Variants in LAMP2 observed in about 807,000 individuals in gnomAD.
LAMP2 encodes lysosome associated membrane protein 2, also known as lysosome-associated membrane glycoprotein 2.
Under a neutral mutation model 25.6 loss-of-function variants are expected in LAMP2, and 4 were observed. The observed-to-expected ratio is 0.16, with a 90% CI of 0.08 to 0.36. LAMP2 has a LOEUF of 0.36. Among genes scored for constraint, LAMP2 ranks in the 10% least tolerant of loss-of-function variants. LAMP2 has a pLI of 1.00. For missense variants in LAMP2, 272 were observed against 301.4 expected, an observed-to-expected ratio of 0.90 and a Z score of 0.72; for synonymous variants, 108 against 112.7, an observed-to-expected ratio of 0.96 and a Z score of 0.27.
chrX:120,441,059 T>C (rs1431760776), intron 8 of LAMP2, among the ~76,000 whole-genome samples: 3 of 112,528 alleles, frequency 2.7e-5, no homozygotes, highest in African/African-American at 9.7e-5. Context: ...TTTTAGGTAA[T>C]AGGCTTAAAA....
At chrX:120,466,493 T>C (rs749178013) in intron 1 of LAMP2, among the ~76,000 whole-genome samples, 187 of 111,234 alleles carry the variant, frequency 1.7e-3, no homozygotes, top group South Asian at 4.9e-3. Context: ...TGCTCCAAGG[T>C]ACAGTTAAGG....
rs2058584921 is a variant in LAMP2, at chrX:120,443,933, G to T, written c.865-1271C>A. 2.8e-5 allele frequency among the ~76,000 whole-genome samples: 3 copies of T among 108,912 alleles called. No individual in the cohort carries two copies. In the South Asian group the frequency reaches 1.2e-3, roughly 45 times the overall value. The allele number at this position is 108,912 out of a possible 115,157, so 94.6% of individuals were successfully genotyped here. A position where few individuals can be genotyped will look rare whatever the true frequency, so the allele number is the denominator to read the frequency against. ...GAGGCGGAGGTTGTAGTGAGCTGAG[G>T]TCTCGCTACTGCACTCCAGCCTGGG... On this transcript the variant is annotated intron_variant, in intron 6 of 8. Coordinates refer to ENST00000200639, the MANE Select transcript of LAMP2 (RefSeq NM_002294.3).
At chrX:120,454,934 G>GATATATATATATATAT (rs397842673) in intron 3 of LAMP2, among the ~76,000 whole-genome samples, 2 of 81,659 alleles carry the variant, frequency 2.4e-5, no homozygotes, top group African/African-American at 9.8e-5. Context: ...CACACACTAG[G>GATATATATATATATAT]ATATATATAT....
rs1371001431 is a variant in LAMP2 at position 120,436,168 on chromosome X, ACACT to A, written c.1094-4710_1094-4707del. Reference sequence around the variant, plus strand: ...CACACACACACACACACACACACACACACTCTCTCTCTCTCTCTCTGTCTCTCTC... The same window carrying A: ...CACACACACACACACACACACACACACTCTCTCTCTCTCTCTGTCTCTCTC... On this transcript the variant is annotated intron_variant, in intron 8 of 8. Transcript: ENST00000200639. 1.4e-3 allele frequency among the ~76,000 whole-genome samples: 109 copies of A among 79,677 alleles called. 1 individual carries two copies. The highest frequency in any genetic ancestry group is 3.8e-3 in the African/African-American group (73 of 19,438). 69.2% of individuals were successfully genotyped at this position (79,677 alleles called of 115,157 possible).
chrX:120,453,326 G>A (rs767740831), intron 3 of LAMP2, among the ~76,000 whole-genome samples: 9 of 111,659 alleles, frequency 8.1e-5, no homozygotes, highest in Non-Finnish European at 1.3e-4. Context: ...TGGTTCTTTC[G>A]AATAGGATCT....
chrX:120,457,412 T>G (rs1921143571), intron 1 of LAMP2, among the ~76,000 whole-genome samples: 1 of 112,065 alleles, frequency 8.9e-6, no homozygotes, highest in African/African-American at 3.2e-5. Context: ...GGAAGCAGAG[T>G]TGCAAAGGGC....
Position 120,440,659 on chromosome X carries a change from T to G in LAMP2, c.1093+1071A>C, listed in dbSNP as rs150969069. 4.3e-3 allele frequency among the ~76,000 whole-genome samples: 485 copies of G among 112,134 alleles called. 2 individuals carry two copies. The highest frequency in any genetic ancestry group is 0.015 in the African/African-American group (462 of 30,880). On this transcript the variant is annotated intron_variant, in intron 8 of 8. Transcript: ENST00000200639. ...TAATACTGCAAACGATTTTAAACTG[T>G]AAACACAAATCTGGACTTAAAATTA...
rs1392706920 is a variant in LAMP2, at chrX:120,426,991, A to G, written c.*4332T>C. 8.9e-6 allele frequency among the ~76,000 whole-genome samples: 1 copy of G among 111,793 alleles called. No homozygotes were observed. The highest frequency in any genetic ancestry group is 2.8e-4 in the East Asian group (1 of 3,574). ...GAAGGCAGTAAAGAAAGATCTTGAT[A>G]AATTTTCTTTAACAAAAATTTGTAA... On this transcript the variant is annotated 3_prime_UTR_variant, in exon 9 of 9. Coordinates refer to ENST00000200639, the MANE Select transcript of LAMP2 (RefSeq NM_002294.3).
intron 3 of LAMP2, among the ~76,000 whole-genome samples, chrX:120,451,100 G>A (rs1411874546): frequency 9.1e-6 from 1 of 109,771 alleles, no homozygotes; most frequent in Non-Finnish European, 1.9e-5. Flanking sequence ...GCTAATTTTC[G>A]TATTTTTAGT....
At chrX:120,459,399 G>A (rs1251515330) in intron 1 of LAMP2, among the ~76,000 whole-genome samples, 2 of 112,319 alleles carry the variant, frequency 1.8e-5, no homozygotes, top group African/African-American at 6.5e-5. Flanking sequence ...GCCTAACAAA[G>A]GTATCCACCC....
At chrX:120,454,157 T>G (rs2058634158) in intron 3 of LAMP2, among the ~76,000 whole-genome samples, 1 of 109,810 alleles carries the variant, frequency 9.1e-6, no homozygotes, top group Non-Finnish European at 1.9e-5. Flanking sequence ...ATCATCCCTT[T>G]GTCCAGTATA....
At chrX:120,450,654 A>G (rs138085666) in intron 3 of LAMP2, among the ~76,000 whole-genome samples, 1,410 of 111,468 alleles carry the variant, frequency 0.013, 34 homozygotes, top group African/African-American at 0.041. Context: ...AATTTGTGAA[A>G]GTGTTTGCCT....
Position 120,431,292 on chromosome X carries a change from T to A in LAMP2, c.*31A>T, listed in dbSNP as rs1203163355. The A allele has an allele frequency of 8.3e-7, 1 of 1,209,215 alleles. No homozygotes were observed. ...GTAAGAAAATCTTGTTATTTGCATG[T>A]ATTTTTATATAATCAATCAGGTTGC... On this transcript the variant is annotated 3_prime_UTR_variant, in exon 9 of 9. Coordinates refer to ENST00000200639, the MANE Select transcript of LAMP2 (RefSeq NM_002294.3).
intron 8 of LAMP2, among the ~76,000 whole-genome samples, chrX:120,439,771 A>G (rs1468010091): frequency 9.0e-6 from 1 of 110,831 alleles, no homozygotes; most frequent in Non-Finnish European, 1.9e-5. Context: ...TAGGCATATT[A>G]CTTTATCAGA....
chrX:120,468,129 C>A (rs1160045423), intron 1 of LAMP2, among the ~76,000 whole-genome samples: 1 of 111,484 alleles, frequency 9.0e-6, no homozygotes. Flanking sequence ...CTGCTCCCTG[C>A]ACCCCCAAAA....
intron 8 of LAMP2, chrX:120,436,847 T>C (rs769334823): frequency 2.6e-5 from 19 of 734,033 alleles, no homozygotes; most frequent in Non-Finnish European, 3.1e-5. Context: ...ACAGTGTTTA[T>C]TAGAGGTATT....
chrX:120,441,423 T>C (rs932865846), intron 8 of LAMP2, among the ~76,000 whole-genome samples: 1 of 112,459 alleles, frequency 8.9e-6, no homozygotes, highest in Non-Finnish European at 1.9e-5. Context: ...AGGAAGCAGA[T>C]GCAAGATGCT....
chrX:120,442,511 A>G, intron 7 of LAMP2, 88 bp downstream of exon 7: 1 of 743,483 alleles, frequency 1.3e-6, no homozygotes, highest in Admixed American at 2.2e-5. Context: ...TTCATTAAAT[A>G]AGGCACTATT....
intron 1 of LAMP2, among the ~76,000 whole-genome samples, chrX:120,462,505 G>T (rs1921357069): frequency 1.3e-5 from 1 of 76,507 alleles, no homozygotes; most frequent in Non-Finnish European, 2.5e-5. Context: ...TGGGGGAATG[G>T]AACAAGACCC....
Sources: allele counts gnomAD v4.1 joint callset (sites outside exome capture counted in the v4.1 genomes callset), GRCh38; gene constraint gnomAD v4.1.1; transcripts MANE v1.5; gene names NCBI Gene and HGNC (gene_info 2026-07-23, HGNC 2026-07-21).